Variants in GSE1 observed in about 807,000 individuals in gnomAD.
The protein encoded by GSE1 is Gse1 coiled-coil protein.
GSE1 carries 32 observed loss-of-function variants against 112.6 expected under a neutral mutation model. The observed-to-expected ratio is 0.28, with a 90% CI of 0.21 to 0.38. The LOEUF (loss-of-function observed/expected upper bound fraction) is 0.38. GSE1 is among the 10% of genes least tolerant of loss of function. The probability of loss-of-function intolerance (pLI) is 1.00; values close to 1 mark genes in which losing one functional copy is unlikely to be tolerated. For synonymous variants in GSE1, 1,115 were observed against 735.6 expected, an observed-to-expected ratio of 1.52 and a Z score of -8.35; for missense variants, 2,348 against 1,699.2, an observed-to-expected ratio of 1.38 and a Z score of -6.71.
At chr16:85,641,447 G>A (rs2050441309) in intron 2 of GSE1, among the ~76,000 whole-genome samples, 1 of 148,676 alleles carries the variant, frequency 6.7e-6, no homozygotes, top group Admixed American at 7.0e-5. Flanking sequence ...TTTTGCAGCT[G>A]TGAGGTGGAG....
chr16:85,455,980 C>G (rs72798974), intron 2 of GSE1, among the ~76,000 whole-genome samples: 3,934 of 152,270 alleles, frequency 0.026, 82 homozygotes, highest in Non-Finnish European at 0.041. Context: ...ATTTTAGAGA[C>G]GAGGAAACTA....
At chr16:85,622,103 C>A (rs927467473) in intron 1 of GSE1, among the ~76,000 whole-genome samples, 10 of 152,304 alleles carry the variant, frequency 6.6e-5, no homozygotes, top group African/African-American at 2.2e-4. Context: ...GTCAGCCATT[C>A]AGCAGTTGAC....
chr16:85,511,873 G>A (rs1464422616), intron 2 of GSE1, among the ~76,000 whole-genome samples: 2 of 152,160 alleles, frequency 1.3e-5, no homozygotes, highest in Admixed American at 6.5e-5. Flanking sequence ...CAGTGCTACT[G>A]ATGTCCAACT....
rs1265633717 is a variant in GSE1 at position 85,246,421 on chromosome 16, A to G, written c.2283+74614A>G. The stretch of plus-strand genomic sequence containing the variant: ...ACGCTGTCTACACACACACACACAC[A>G]CCCCATGCTCTCTACACACACACAC... On this transcript the variant is annotated intron_variant, in intron 1 of 2. Transcript: ENST00000637419. Among the ~76,000 whole-genome samples, 10 of 40,406 alleles carry G rather than the reference A, an allele frequency of 2.5e-4. 1 individual carries two copies. The East Asian group carries it at 8.6e-3, about 35-fold the overall frequency. 26.5% of individuals were successfully genotyped at this position (40,406 alleles called of 152,430 possible).
chr16:85,253,737 G>A (rs773415700), intron 1 of GSE1, among the ~76,000 whole-genome samples: 2 of 152,204 alleles, frequency 1.3e-5, no homozygotes, highest in African/African-American at 2.4e-5. Context: ...GAGTGCTCCC[G>A]GTGGAGGGAA....
chr16:85,527,771 C>A (rs556550288), intron 2 of GSE1, among the ~76,000 whole-genome samples: 1 of 152,246 alleles, frequency 6.6e-6, no homozygotes, highest in Non-Finnish European at 1.5e-5. Flanking sequence ...TGGACGTGGA[C>A]AGCTGTGAAT....
chr16:85,384,359 T>G (rs111775128), intron 2 of GSE1, among the ~76,000 whole-genome samples: 1 of 152,186 alleles, frequency 6.6e-6, no homozygotes, highest in Non-Finnish European at 1.5e-5. Flanking sequence ...GGCCAAGGGC[T>G]CCACTTCCTC....
chr16:85,559,773 G>A (rs1246276296), intron 1 of GSE1, among the ~76,000 whole-genome samples: 1 of 152,206 alleles, frequency 6.6e-6, no homozygotes, highest in Non-Finnish European at 1.5e-5. Flanking sequence ...GTAAGGCAAG[G>A]GTCAGCAATC....
chr16:85,308,557 C>T (rs181727937), intron 1 of GSE1, among the ~76,000 whole-genome samples: 1 of 152,264 alleles, frequency 6.6e-6, no homozygotes, highest in East Asian at 1.9e-4. Flanking sequence ...ATAGCTCCTG[C>T]AATCCACTCT....
intron 3 of GSE1, among the ~76,000 whole-genome samples, chr16:85,651,691 G>A (rs1393667341): frequency 2.0e-5 from 3 of 152,166 alleles, no homozygotes; most frequent in Non-Finnish European, 4.4e-5. Flanking sequence ...GCCCTCTTCT[G>A]ACTCTGGCCA....
At chr16:85,542,757 G>T (rs1255757175) in intron 2 of GSE1, among the ~76,000 whole-genome samples, 1 of 152,218 alleles carries the variant, frequency 6.6e-6, no homozygotes, top group Non-Finnish European at 1.5e-5. Context: ...TGGCCCTGCT[G>T]GCCCCACCTC....
At chr16:85,334,480 C>G (rs921815076) in intron 1 of GSE1, among the ~76,000 whole-genome samples, 2 of 152,248 alleles carry the variant, frequency 1.3e-5, no homozygotes, top group Admixed American at 1.3e-4. Flanking sequence ...TCCCGGCATC[C>G]CTTCTCTGCG....
chr16:85,196,985 G>C (rs1018238758), intron 1 of GSE1, among the ~76,000 whole-genome samples: 1 of 152,154 alleles, frequency 6.6e-6, no homozygotes, highest in East Asian at 1.9e-4. Flanking sequence ...TGGAGACCCC[G>C]GTATGGGACC....
At chr16:85,561,817 C>T (rs1466700029) in intron 1 of GSE1, among the ~76,000 whole-genome samples, 2 of 152,124 alleles carry the variant, frequency 1.3e-5, no homozygotes, top group Non-Finnish European at 2.9e-5. Context: ...GAGTGAAGCT[C>T]GGCCTGTGGG....
At chr16:85,356,417 T>G (rs1318024874) in intron 1 of GSE1, among the ~76,000 whole-genome samples, 2 of 152,218 alleles carry the variant, frequency 1.3e-5, no homozygotes, top group South Asian at 2.1e-4. Context: ...CAGTGGTCAG[T>G]GGCCAGTGTT....
chr16:85,636,190 G>T (rs910903035), intron 2 of GSE1, among the ~76,000 whole-genome samples: 1 of 152,240 alleles, frequency 6.6e-6, no homozygotes, highest in African/African-American at 2.4e-5. Flanking sequence ...AGATGCCCCC[G>T]GGGTGGATGC....
chr16:85,639,458 C>T (rs1046027400), intron 2 of GSE1, among the ~76,000 whole-genome samples: 10 of 152,216 alleles, frequency 6.6e-5, no homozygotes, highest in Non-Finnish European at 8.8e-5. Flanking sequence ...CCACCCCCTG[C>T]GCTGGACAGA....
intron 1 of GSE1, among the ~76,000 whole-genome samples, chr16:85,216,712 G>A (rs966633232): frequency 1.3e-5 from 2 of 152,122 alleles, no homozygotes; most frequent in Non-Finnish European, 2.9e-5. Flanking sequence ...CCTGGGCTGT[G>A]GGACTCCCAG....
At chr16:85,186,760 A>G (rs1016113067) in intron 1 of GSE1, among the ~76,000 whole-genome samples, 10 of 152,318 alleles carry the variant, frequency 6.6e-5, no homozygotes, top group Middle Eastern at 3.4e-3. Context: ...GTAAGACCCT[A>G]TATCAAAACA....
Sources: allele counts gnomAD v4.1 joint callset (sites outside exome capture counted in the v4.1 genomes callset), GRCh38; gene constraint gnomAD v4.1.1; transcripts MANE v1.5; gene names NCBI Gene and HGNC (gene_info 2026-07-23, HGNC 2026-07-21).